ATP8A2: variants seen among roughly 807,000 people sequenced by gnomAD.
ATP8A2 encodes the protein ATPase phospholipid transporting 8A2.
A neutral mutation model predicts 165.6 loss-of-function variants in ATP8A2; 100 were observed. That is an observed-to-expected ratio of 0.60 (90% CI 0.51 to 0.71). The LOEUF (loss-of-function observed/expected upper bound fraction) is 0.71. Ranked by LOEUF, ATP8A2 falls within the 30% of genes least tolerant of loss-of-function variation. The probability of loss-of-function intolerance (pLI) is 0.00; values close to 1 mark genes in which losing one functional copy is unlikely to be tolerated. For missense variants in ATP8A2, 1,227 were observed against 1,479.5 expected (o/e 0.83, Z 2.80); for synonymous variants, 543 against 548.8 (o/e 0.99, Z 0.15).
At chr13:25,548,473 G>C (rs2038720424) in intron 10 of ATP8A2, among the ~76,000 whole-genome samples, 1 of 152,114 alleles carries the variant, frequency 6.6e-6, no homozygotes, top group African/African-American at 2.4e-5. Context: ...ATAGAAATGA[G>C]GTTTATGATA....
intron 1 of ATP8A2, among the ~76,000 whole-genome samples, chr13:25,386,535 C>T (rs1479507044): frequency 6.6e-6 from 1 of 152,126 alleles, no homozygotes; most frequent in African/African-American, 2.4e-5. Flanking sequence ...GCCATTTCCT[C>T]TTCTCTCTAA....
chr13:25,938,213 A>T (rs2139096719), intron 33 of ATP8A2, among the ~76,000 whole-genome samples: 1 of 152,278 alleles, frequency 6.6e-6, no homozygotes, highest in East Asian at 1.9e-4. Context: ...TTAAATTTAC[A>T]GAGCCAGAAA....
At chr13:26,009,917 T>C (rs1956808836) in intron 35 of ATP8A2, among the ~76,000 whole-genome samples, 1 of 151,922 alleles carries the variant, frequency 6.6e-6, no homozygotes, top group Non-Finnish European at 1.5e-5. Context: ...AATACAAAAA[T>C]TAGCCAGGCC....
chr13:25,544,649 A>G (rs1369662244), intron 10 of ATP8A2, among the ~76,000 whole-genome samples: 1 of 152,070 alleles, frequency 6.6e-6, no homozygotes, highest in African/African-American at 2.4e-5. Context: ...CCTGGGAGTG[A>G]CTCGTGTGAG....
chr13:25,621,651 G>C (rs1197925855), intron 24 of ATP8A2, among the ~76,000 whole-genome samples: 2 of 152,058 alleles, frequency 1.3e-5, no homozygotes, highest in Non-Finnish European at 2.9e-5. Context: ...CTGGAAAAAA[G>C]GTAGGATTCA....
intron 1 of ATP8A2, among the ~76,000 whole-genome samples, chr13:25,413,953 C>T (rs190982803): frequency 1.2e-3 from 187 of 152,016 alleles, no homozygotes; most frequent in African/African-American, 4.3e-3. Flanking sequence ...GGCTCTTTTC[C>T]TGCCTTCATG....
At chr13:25,745,439 C>G (rs1409234486) in intron 25 of ATP8A2, among the ~76,000 whole-genome samples, 1 of 152,320 alleles carries the variant, frequency 6.6e-6, no homozygotes, top group Non-Finnish European at 1.5e-5. Flanking sequence ...TTACAATGAA[C>G]TTATCTTTAT....
intron 33 of ATP8A2, among the ~76,000 whole-genome samples, chr13:25,893,488 G>C (rs1953442326): frequency 1.3e-5 from 2 of 151,816 alleles, no homozygotes; most frequent in South Asian, 4.2e-4. Flanking sequence ...CTTTGCTATT[G>C]TGAATAGTGC....
In ATP8A2 at chr13:25,373,000, C is replaced by T. The variant is rs78454854; in HGVS notation, c.76+712C>T. Among the ~76,000 whole-genome samples the T allele has an allele frequency of 0.029, 4,485 of 152,288 alleles. 118 individuals are homozygous for T. Among genetic ancestry groups the T allele is most frequent in the South Asian group, 0.12 (565 of 4,822 alleles). ...CCAAACACGCATGTACCATACCCGACCACTCACACTGTTAGAGGCCCGCGT... is the reference window on the plus strand; with the variant it reads ...CCAAACACGCATGTACCATACCCGATCACTCACACTGTTAGAGGCCCGCGT... On this transcript the variant is annotated intron_variant, in intron 1 of 36. Coordinates refer to ENST00000381655, the MANE Select transcript of ATP8A2 (RefSeq NM_016529.6). This position sits in a 1 kb window ranked among gnomAD's most constrained non-coding sequence, Gnocchi z 4.8.
chr13:25,999,891 T>C (rs1022477013), intron 35 of ATP8A2, among the ~76,000 whole-genome samples: 3 of 152,190 alleles, frequency 2.0e-5, no homozygotes, highest in African/African-American at 7.2e-5. Flanking sequence ...ATAACTCTTA[T>C]TGAAGTTTTA....
intron 28 of ATP8A2, among the ~76,000 whole-genome samples, chr13:25,831,341 A>G (rs1951464465): frequency 6.6e-6 from 1 of 151,268 alleles, no homozygotes; most frequent in Admixed American, 6.6e-5. Flanking sequence ...CAGCCTCCCA[A>G]GTAGCTGGGA....
chr13:25,667,297 C>T (rs536167406), intron 24 of ATP8A2, among the ~76,000 whole-genome samples: 1 of 152,062 alleles, frequency 6.6e-6, no homozygotes, highest in South Asian at 2.1e-4. Context: ...AATTTGAACC[C>T]CAGCATGGCA....
At chr13:25,879,503 G>C (rs1952914148) in intron 33 of ATP8A2, among the ~76,000 whole-genome samples, 1 of 152,230 alleles carries the variant, frequency 6.6e-6, no homozygotes, top group Non-Finnish European at 1.5e-5. Context: ...GAGAAAGCTG[G>C]TAGAAGCCAA....
intron 33 of ATP8A2, among the ~76,000 whole-genome samples, chr13:25,955,906 G>A (rs1243715626): frequency 2.6e-5 from 4 of 152,010 alleles, no homozygotes; most frequent in East Asian, 1.9e-4. Flanking sequence ...ATCCAGCAGC[G>A]CATCAAAAAA....
intron 24 of ATP8A2, among the ~76,000 whole-genome samples, chr13:25,697,890 A>C (rs2042867795): frequency 6.6e-6 from 1 of 152,206 alleles, no homozygotes; most frequent in Non-Finnish European, 1.5e-5. Context: ...AAATTGTCAA[A>C]AGTCACTTTT....
chr13:25,965,770 C>CTGTA (rs1193761533), intron 34 of ATP8A2, among the ~76,000 whole-genome samples: 1 of 152,116 alleles, frequency 6.6e-6, no homozygotes, highest in Non-Finnish European at 1.5e-5. Context: ...CTGTATTTTA[C>CTGTA]TGTACATCAA....
At chr13:25,424,436 ATTGGTGATTCCC>A (rs1245089619) in intron 1 of ATP8A2, among the ~76,000 whole-genome samples, 2 of 152,138 alleles carry the variant, frequency 1.3e-5, no homozygotes, top group Non-Finnish European at 2.9e-5. Context: ...GAGGAAGTTA[ATTGGTGATTCCC>A]TTCTTCTCTC....
chr13:25,878,257 T>A (rs1285683578), intron 33 of ATP8A2, among the ~76,000 whole-genome samples: 1 of 152,058 alleles, frequency 6.6e-6, no homozygotes, highest in East Asian at 1.9e-4. Context: ...GTGACTTGCT[T>A]TATAAGGTAT....
intron 24 of ATP8A2, among the ~76,000 whole-genome samples, chr13:25,627,729 C>T (rs1018682018): frequency 3.3e-5 from 5 of 152,090 alleles, no homozygotes; most frequent in Admixed American, 1.3e-4. Flanking sequence ...CTGAGCAGAC[C>T]GAGATGGAAC....
Sources: allele counts gnomAD v4.1 joint callset (sites outside exome capture counted in the v4.1 genomes callset), GRCh38; gene constraint gnomAD v4.1.1; non-coding constraint Gnocchi (gnomAD v3.1); transcripts MANE v1.5; gene names NCBI Gene and HGNC (gene_info 2026-07-23, HGNC 2026-07-21).